Variants in PXDN observed in about 807,000 individuals in gnomAD.
PXDN encodes the protein peroxidasin homolog.
Under a neutral mutation model 140.3 loss-of-function variants are expected in PXDN, and 77 were observed. That is an observed-to-expected ratio of 0.55 (90% CI 0.46 to 0.66). The LOEUF is 0.66. Among genes scored for constraint, PXDN ranks in the 30% least tolerant of loss-of-function variants. The pLI, the probability that PXDN is intolerant of heterozygous loss-of-function variation, is 0.00. For synonymous variants in PXDN, 911 were observed against 857.4 expected (o/e 1.06, Z -1.09); for missense variants, 1,838 against 2,039.5 (o/e 0.90, Z 1.90).
At chr2:1,723,563 T>C (rs529227385) in intron 1 of PXDN, among the ~76,000 whole-genome samples, 113 of 152,214 alleles carry the variant, frequency 7.4e-4, no homozygotes, top group African/African-American at 2.6e-3. Context: ...GACAGATGGA[T>C]GGACTAATGA....
chr2:1,724,088 C>T (rs1685117181), intron 1 of PXDN, among the ~76,000 whole-genome samples: 1 of 152,206 alleles, frequency 6.6e-6, no homozygotes, highest in South Asian at 2.1e-4. Flanking sequence ...CCTTTGTTTT[C>T]CACTGCTGAA....
At chr2:1,667,051 C>T (rs1572142631) in intron 9 of PXDN, among the ~76,000 whole-genome samples, 1 of 152,092 alleles carries the variant, frequency 6.6e-6, no homozygotes, top group East Asian at 1.9e-4. Context: ...TGGCCCAGCC[C>T]ACCTGCAGGG....
rs1203913985 is a variant in PXDN at position 1,634,396 on chromosome 2, G to T, written c.4321-73C>A. ...CAGGTGAGCAAAGCCTGTCAGCTCC[G>T]GGACAGGTGTCAGCCACGGCCATGA... On this transcript the variant is annotated intron_variant, in intron 22 of 22. Transcript: ENST00000252804. 4.0e-6 allele frequency: 6 copies of T among 1,494,784 alleles called. No individual in the cohort carries two copies. In the Middle Eastern group the frequency reaches 8.5e-4, roughly 211 times the overall value. The allele number at this position is 1,494,784 out of a possible 1,614,324, so 92.6% of individuals were successfully genotyped here.
At chr2:1,696,955 G>A (rs1343235339) in intron 1 of PXDN, among the ~76,000 whole-genome samples, 2 of 152,178 alleles carry the variant, frequency 1.3e-5, no homozygotes, top group Non-Finnish European at 2.9e-5. Flanking sequence ...TCAAGGTCAC[G>A]AAGACAAATA....
intron 14 of PXDN, among the ~76,000 whole-genome samples, chr2:1,659,877 G>C (rs1683262245): frequency 1.3e-5 from 2 of 152,104 alleles, no homozygotes; most frequent in South Asian, 2.1e-4. Flanking sequence ...ACTGAGTGGG[G>C]GTCACTCTTC....
chr2:1,689,942 T>C (rs1572162414), intron 3 of PXDN, among the ~76,000 whole-genome samples: 1 of 152,214 alleles, frequency 6.6e-6, no homozygotes, highest in Admixed American at 6.5e-5. Context: ...CTAGAAGTAA[T>C]TGGAGTTCCA....
At chr2:1,642,272 G>A (rs35893474) in intron 19 of PXDN, among the ~76,000 whole-genome samples, 2 of 152,116 alleles carry the variant, frequency 1.3e-5, no homozygotes, top group Non-Finnish European at 2.9e-5. Flanking sequence ...CACAGACACA[G>A]AGGCACGCAC....
At chr2:1,743,650 G>C (rs1351398894) in intron 1 of PXDN, among the ~76,000 whole-genome samples, 8 of 144,576 alleles carry the variant, frequency 5.5e-5, no homozygotes, top group Non-Finnish European at 9.2e-5. Context: ...AAGGAAGGGG[G>C]GGAGGAGGAG....
At chr2:1,709,828 ACAGAGAGATGCCAT>A (rs1281504096) in intron 1 of PXDN, among the ~76,000 whole-genome samples, 1 of 152,250 alleles carries the variant, frequency 6.6e-6, no homozygotes, top group Non-Finnish European at 1.5e-5. Flanking sequence ...ATGTGAGGAC[ACAGAGAGATGCCAT>A]CATCTGCAGA....
chr2:1,719,934 G>GCAC, intron 1 of PXDN, among the ~76,000 whole-genome samples: 1 of 118,260 alleles, frequency 8.5e-6, no homozygotes, highest in African/African-American at 3.1e-5. Flanking sequence ...GAGAGGGAGA[G>GCAC]AGAGAGAGGG....
intron 11 of PXDN, 79 bp from the exon 12 acceptor site, chr2:1,663,842 A>T: frequency 6.5e-7 from 1 of 1,545,736 alleles, no homozygotes; most frequent in East Asian, 2.3e-5. Flanking sequence ...GCATGACCAC[A>T]GAAGCTTGTC....
rs563514697 is a variant in PXDN, at chr2:1,631,920, G to C, written c.*2284C>G. On this transcript the variant is annotated 3_prime_UTR_variant, in exon 23 of 23. Coordinates refer to ENST00000252804, the MANE Select transcript of PXDN (RefSeq NM_012293.3). The stretch of plus-strand genomic sequence containing the variant: ...AAAATGTGACCCATTTATTTGAACT[G>C]AAAGGCATCATTACAAAGTGCAAAC... The C allele has an allele frequency of 6.5e-6, 1 of 152,696 alleles. No homozygotes were observed. The highest frequency in any genetic ancestry group is 2.1e-4 in the South Asian group (1 of 4,822). 9.5% of individuals were successfully genotyped at this position (152,696 alleles called of 1,614,324 possible).
chr2:1,723,431 T>C (rs1895692), intron 1 of PXDN, among the ~76,000 whole-genome samples: 9,050 of 151,894 alleles, frequency 0.06, 912 homozygotes, highest in African/African-American at 0.21. Context: ...ACTGGATAAA[T>C]AGATGGATGA....
At chr2:1,663,066 G>A (rs1237982977) in intron 12 of PXDN, among the ~76,000 whole-genome samples, 1 of 152,164 alleles carries the variant, frequency 6.6e-6, no homozygotes, top group African/African-American at 2.4e-5. Flanking sequence ...TGATTCTATC[G>A]GGAGGGATAT....
At chr2:1,715,312 C>G (rs1173960008) in intron 1 of PXDN, among the ~76,000 whole-genome samples, 2 of 152,150 alleles carry the variant, frequency 1.3e-5, no homozygotes, top group East Asian at 3.9e-4. Context: ...AGGAACTCCA[C>G]ATTTCCCGCT....
At chr2:1,653,975 A>G in intron 15 of PXDN, 190 bp from the exon 16 acceptor site, 1 of 630,464 alleles carries the variant, frequency 1.6e-6, no homozygotes, top group East Asian at 2.9e-5. Context: ...CAAAAACCGG[A>G]AGACACTAAA....
intron 19 of PXDN, among the ~76,000 whole-genome samples, chr2:1,640,855 G>T (rs1018200793): frequency 6.6e-6 from 1 of 152,286 alleles, no homozygotes; most frequent in African/African-American, 2.4e-5. Context: ...GCCAGGACAC[G>T]GTCCCAGGCA....
At chr2:1,725,871 C>T (rs2125485127) in intron 1 of PXDN, among the ~76,000 whole-genome samples, 1 of 152,076 alleles carries the variant, frequency 6.6e-6, no homozygotes. Flanking sequence ...ATCAAAACCA[C>T]AATGAGATAC....
chr2:1,737,643 G>A (rs761760640), intron 1 of PXDN, among the ~76,000 whole-genome samples: 11 of 151,796 alleles, frequency 7.2e-5, no homozygotes, highest in Non-Finnish European at 1.5e-4. Context: ...AGGTTCAAGC[G>A]ATTCTCCTAC....
Sources: allele counts gnomAD v4.1 joint callset (sites outside exome capture counted in the v4.1 genomes callset), GRCh38; gene constraint gnomAD v4.1.1; transcripts MANE v1.5; gene names NCBI Gene and HGNC (gene_info 2026-07-23, HGNC 2026-07-21).